Variants in ANG observed in about 807,000 individuals in gnomAD.
ANG encodes the protein angiogenin, also known as Homo sapiens epididymis luminal protein 168.
For missense variants in ANG, 178 were observed against 187.4 expected (o/e 0.95, Z 0.29); for synonymous variants, 74 against 73.8 (o/e 1.00, Z -0.02).
upstream of ANG, among the ~76,000 whole-genome samples, chr14:20,688,238 A>G (rs1886517113): frequency 6.6e-6 from 1 of 152,072 alleles, no homozygotes; most frequent in South Asian, 2.1e-4. Context: ...CAGTGTACTA[A>G]TAGCTGTCAC....
Position 20,694,106 on chromosome 14 carries a change from C to T in ANG, c.*98C>T, listed in dbSNP as rs1886982457. On this transcript the variant is annotated 3_prime_UTR_variant, in exon 2 of 2. Transcript: ENST00000397990. ...GTGGCAACATTCATTGCCAAGGGCC[C>T]AAAGAAAGAGCTACCTGGACCTTTT... 7.3e-7 allele frequency: 1 copy of T among 1,369,314 alleles called. No homozygotes were observed. 84.8% of individuals were successfully genotyped at this position (1,369,314 alleles called of 1,614,324 possible).
At chr14:20,688,213 G>A (rs561493607), upstream of ANG, among the ~76,000 whole-genome samples, 1 of 152,186 alleles carries the variant, frequency 6.6e-6, no homozygotes, top group African/African-American at 2.4e-5. Flanking sequence ...GAGAAGTTGA[G>A]TGTAGGGGGA....
upstream of ANG, chr14:20,684,721 T>C (rs1480033894): frequency 1.3e-5 from 2 of 152,354 alleles, no homozygotes; most frequent in African/African-American, 4.8e-5. Flanking sequence ...TTCTTTCCAT[T>C]GTCCTGCCCG....
chr14:20,689,708 G>C (rs896338707), intron 1 of ANG, among the ~76,000 whole-genome samples: 1 of 152,132 alleles, frequency 6.6e-6, no homozygotes, highest in Non-Finnish European at 1.5e-5. Flanking sequence ...ACTGAGGTCA[G>C]GAGTTCGAGA....
Position 20,690,132 on chromosome 14 carries a change from G to A in ANG, c.-19+1258G>A, listed in dbSNP as rs550371808. On this transcript the variant is annotated intron_variant, in intron 1 of 1. Transcript: ENST00000397990. ...CGGGAGGCTGAGGCAGGAGAATGGC[G>A]TGAACCCGGGAGGCGGAGCTTGCAG... Among the ~76,000 whole-genome samples the A allele has an allele frequency of 2.4e-3, 347 of 144,700 alleles. 3 individuals are homozygous for A. The highest frequency in any genetic ancestry group is 3.4e-3 in the Non-Finnish European group (227 of 66,632). The allele number at this position is 144,700 out of a possible 152,430, so 94.9% of individuals were successfully genotyped here. A position where few individuals can be genotyped will look rare whatever the true frequency, so the allele number is the denominator to read the frequency against.
chr14:20,693,053 TAGCC>T (rs962563017), intron 1 of ANG, among the ~76,000 whole-genome samples: 1 of 151,744 alleles, frequency 6.6e-6, no homozygotes, highest in African/African-American at 2.4e-5. Flanking sequence ...TTCACCGTGG[TAGCC>T]AGGATGGTCT....
Position 20,693,758 on chromosome 14 carries a change from A to G in ANG, c.194A>G (p.Asp65Gly). 1 of 1,614,210 alleles carries G rather than the reference A, an allele frequency of 6.2e-7. No homozygotes were observed. The highest frequency in any genetic ancestry group is 8.5e-7 in the Non-Finnish European group (1 of 1,180,056). Residue 65 changes from aspartate to glycine, a missense_variant, in exon 2 of 2, where the codon GAC (aspartate) becomes GGC (glycine). Coordinates refer to ENST00000397990, the MANE Select transcript of ANG (RefSeq NM_001097577.3). ...CGGGGCCTGACCTCACCCTGCAAAG[A>G]CATCAACACATTTATTCATGGCAAC... ...RRRGLTSPCK[D>G]INTFIHGNKR...
chr14:20,694,172 T>G lies in ANG; in HGVS notation c.*164T>G. 1.3e-6 allele frequency: 1 copy of G among 758,406 alleles called. No homozygotes were observed. Among genetic ancestry groups the G allele is most frequent in the Non-Finnish European group, 2.2e-6 (1 of 446,334 alleles). 47.0% of individuals were successfully genotyped at this position (758,406 alleles called of 1,614,324 possible). A position where few individuals can be genotyped will look rare whatever the true frequency, so the allele number is the denominator to read the frequency against. On this transcript the variant is annotated 3_prime_UTR_variant, in exon 2 of 2. Coordinates refer to ENST00000397990, the MANE Select transcript of ANG (RefSeq NM_001097577.3). Reference sequence around the variant, plus strand: ...ACATGTTTAATAAATAAAAATGTCTTGATATCAGTAAGAATCAGAGTCTTC... The same window carrying G: ...ACATGTTTAATAAATAAAAATGTCTGGATATCAGTAAGAATCAGAGTCTTC...
At chr14:20,687,214 T>C (rs963495151), upstream of ANG, among the ~76,000 whole-genome samples, 1 of 152,220 alleles carries the variant, frequency 6.6e-6, no homozygotes, top group Non-Finnish European at 1.5e-5. Flanking sequence ...TAGTAATTTT[T>C]CCCCCAAACC....
upstream of ANG, among the ~76,000 whole-genome samples, chr14:20,686,436 A>C (rs1886430830): frequency 6.6e-6 from 1 of 152,216 alleles, no homozygotes; most frequent in Non-Finnish European, 1.5e-5. Flanking sequence ...TAGCTGGATA[A>C]AAAAGTGGAC....
chr14:20,692,483 G>C (rs532057509), intron 1 of ANG, among the ~76,000 whole-genome samples: 2 of 152,248 alleles, frequency 1.3e-5, no homozygotes, highest in African/African-American at 2.4e-5. Flanking sequence ...TCTGTGGCCT[G>C]TCCGCCTAAG....
At chr14:20,688,092 T>C (rs1886508907), upstream of ANG, among the ~76,000 whole-genome samples, 1 of 152,194 alleles carries the variant, frequency 6.6e-6, no homozygotes, top group South Asian at 2.1e-4. Context: ...GCAACTACAT[T>C]ACAAGGATCA....
Position 20,693,893 on chromosome 14 carries a change from G to A in ANG, c.329G>A (p.Gly110Asp). 1 of 1,614,162 alleles carries A rather than the reference G, an allele frequency of 6.2e-7. No individual in the cohort carries two copies. Among genetic ancestry groups the A allele is most frequent in the East Asian group, 2.2e-5 (1 of 44,878 alleles). ...FQVTTCKLHG[G>D]SPWPPCQYRA... ...GTCACCACTTGCAAGCTACATGGAG[G>A]TTCCCCCTGGCCTCCATGCCAGTAC... Residue 110 changes from glycine to aspartate, a missense_variant, in exon 2 of 2, where the codon GGT (glycine) becomes GAT (aspartate). By Grantham distance (94) the Gly-to-Asp change is moderately conservative. Coordinates refer to ENST00000397990, the MANE Select transcript of ANG (RefSeq NM_001097577.3).
At chr14:20,689,425 C>CT (rs1886590957) in intron 1 of ANG, among the ~76,000 whole-genome samples, 1 of 152,064 alleles carries the variant, frequency 6.6e-6, no homozygotes. Flanking sequence ...GGATTTTGCC[C>CT]TAGGATGTAT....
upstream of ANG, among the ~76,000 whole-genome samples, chr14:20,685,830 A>G (rs902095539): frequency 4.6e-5 from 7 of 151,980 alleles, no homozygotes; most frequent in Admixed American, 1.3e-4. Flanking sequence ...TCACAAGATC[A>G]GGAGTTCGAG....
Position 20,693,712 on chromosome 14 carries a change from T to G in ANG, c.148T>G (p.Cys50Gly). Residue 50 changes from cysteine (C) to glycine (G), a missense_variant, in exon 2 of 2, where the codon TGT becomes GGT. Coordinates refer to ENST00000397990, the MANE Select transcript of ANG (RefSeq NM_001097577.3). ...ACCACAGGGCCGGGATGACAGATACTGTGAAAGCATCATGAGGAGACGGGG... is the reference window on the plus strand; with the variant it reads ...ACCACAGGGCCGGGATGACAGATACGGTGAAAGCATCATGAGGAGACGGGG... ...AKPQGRDDRY[C>G]ESIMRRRGLT... 6.2e-7 allele frequency: 1 copy of G among 1,614,154 alleles called. No individual in the cohort carries two copies. The highest frequency in any genetic ancestry group is 1.3e-5 in the African/African-American group (1 of 75,020).
intron 1 of ANG, among the ~76,000 whole-genome samples, chr14:20,691,953 C>T (rs1363577389): frequency 6.6e-6 from 1 of 152,220 alleles, no homozygotes; most frequent in Non-Finnish European, 1.5e-5. Context: ...GGACCCATGG[C>T]CTTTTTTTAA....
At chr14:20,689,091 G>A (rs1886562842) in intron 1 of ANG, among the ~76,000 whole-genome samples, 1 of 152,216 alleles carries the variant, frequency 6.6e-6, no homozygotes, top group African/African-American at 2.4e-5. Flanking sequence ...TGGAAGTTTA[G>A]GAGGGATTTC....
At chr14:20,687,989 A>T (rs999453777), upstream of ANG, among the ~76,000 whole-genome samples, 2 of 152,180 alleles carry the variant, frequency 1.3e-5, no homozygotes, top group Admixed American at 6.5e-5. Flanking sequence ...AAACTATGAG[A>T]TCTATAAGGT....
Sources: gnomAD v4.1 joint callset for allele counts (sites outside exome capture counted in the v4.1 genomes callset) on GRCh38, gnomAD v4.1.1 for gene constraint, MANE v1.5 for transcripts, NCBI Gene and HGNC (gene_info 2026-07-23, HGNC 2026-07-21) for gene names.